TM9SF2: variants seen among roughly 807,000 people sequenced by gnomAD.
TM9SF2 encodes the protein 76 kDa membrane protein.
Under a neutral mutation model 84.9 loss-of-function variants are expected in TM9SF2, and 13 were observed. That is an observed-to-expected ratio of 0.15 (90% CI 0.10 to 0.24). The LOEUF is 0.24. TM9SF2 is among the 10% of genes least tolerant of loss of function. The probability of loss-of-function intolerance (pLI) is 1.00; values close to 1 mark genes in which losing one functional copy is unlikely to be tolerated. For synonymous variants in TM9SF2, 273 were observed against 285.8 expected, an observed-to-expected ratio of 0.96 and a Z score of 0.45; for missense variants, 562 against 818.5, an observed-to-expected ratio of 0.69 and a Z score of 3.82.
At chr13:99,540,636 C>T (rs2046254991) in intron 7 of TM9SF2, 78 bp from the exon 8 acceptor site, 3 of 1,209,362 alleles carry the variant, frequency 2.5e-6, no homozygotes, top group South Asian at 1.4e-5. Context: ...GAAGGACAAG[C>T]TTTGAATGGG....
intron 1 of TM9SF2, among the ~76,000 whole-genome samples, chr13:99,503,695 G>C (rs1231625803): frequency 7.2e-6 from 1 of 138,964 alleles, no homozygotes; most frequent in African/African-American, 2.8e-5. Context: ...GGGCAACAGA[G>C]CGAGACTTTG....
In TM9SF2 at chr13:99,501,654, G is replaced by C; in HGVS notation, c.48G>C (p.Leu16=). The change falls in exon 1 of 17, where the codon CTG becomes CTC. Residue 16 remains leucine, a synonymous_variant. Coordinates refer to ENST00000376387, the MANE Select transcript of TM9SF2 (RefSeq NM_004800.3). The part of the protein sequence containing the change: ...PVLSPPRWPR[L]LLLSLLLLGA... ...TGTCTCCACCTCGGTGGCCGCGGCT[G>C]TTGCTGCTGTCGCTGCTCCTGCTGG... is the stretch of plus-strand genomic sequence containing the variant. The C allele has an allele frequency of 6.2e-7, 1 of 1,613,294 alleles. No homozygotes were observed. The highest frequency in any genetic ancestry group is 1.1e-5 in the South Asian group (1 of 91,044).
At chr13:99,537,613 T>C in intron 5 of TM9SF2, 126 bp from the exon 6 acceptor site, 2 of 739,500 alleles carry the variant, frequency 2.7e-6, no homozygotes, top group Non-Finnish European at 2.1e-6. Context: ...AACATGTTAA[T>C]GTGAAAGGCT....
Position 99,538,282 on chromosome 13 carries a change from A to G in TM9SF2, c.716+419A>G, listed in dbSNP as rs201069308. Among the ~76,000 whole-genome samples, 32 of 152,208 alleles carry G rather than the reference A, an allele frequency of 2.1e-4. No individual in the cohort carries two copies. The East Asian group carries it at 2.7e-3, about 13-fold the overall frequency. The stretch of plus-strand genomic sequence containing the variant: ...AAGCCCCTATGCAGTGTTAGATGCC[A>G]CTATGAAATACGAGCCATTGAAAGA... On this transcript the variant is annotated intron_variant, in intron 6 of 16. Transcript: ENST00000376387.
intron 15 of TM9SF2, among the ~76,000 whole-genome samples, chr13:99,558,419 G>A (rs1404945465): frequency 2.0e-5 from 3 of 152,240 alleles, no homozygotes; most frequent in Non-Finnish European, 2.9e-5. Flanking sequence ...ATTTTGAAGA[G>A]TATTGCTGTC....
At chr13:99,543,645 T>C (rs1400950374) in intron 9 of TM9SF2, among the ~76,000 whole-genome samples, 1 of 152,226 alleles carries the variant, frequency 6.6e-6, no homozygotes, top group Non-Finnish European at 1.5e-5. Flanking sequence ...TAGACCTTAA[T>C]GTCATAAATT....
chr13:99,535,847 T>TA (rs2046231817), intron 4 of TM9SF2, among the ~76,000 whole-genome samples: 1 of 152,216 alleles, frequency 6.6e-6, no homozygotes, highest in Non-Finnish European at 1.5e-5. Context: ...GTAATGTAGT[T>TA]ATATGGTGCT....
intron 16 of TM9SF2, among the ~76,000 whole-genome samples, chr13:99,561,601 A>G (rs1160323302): frequency 5.9e-5 from 9 of 152,200 alleles, no homozygotes; most frequent in Non-Finnish European, 1.3e-4. Flanking sequence ...TAGGGCCTCA[A>G]TACATGTACA....
chr13:99,515,626 A>C (rs1304666026), intron 1 of TM9SF2, among the ~76,000 whole-genome samples: 1 of 151,664 alleles, frequency 6.6e-6, no homozygotes, highest in Non-Finnish European at 1.5e-5. Flanking sequence ...TACTAAATTT[A>C]TTTGGTTTTA....
At chr13:99,505,468 A>G (rs1356110473) in intron 1 of TM9SF2, among the ~76,000 whole-genome samples, 2 of 152,114 alleles carry the variant, frequency 1.3e-5, no homozygotes, top group Non-Finnish European at 2.9e-5. Flanking sequence ...ACACTTTTTA[A>G]ATGTTTTACT....
chr13:99,533,802 C>A (rs902142821), intron 4 of TM9SF2, among the ~76,000 whole-genome samples: 1 of 152,120 alleles, frequency 6.6e-6, no homozygotes, highest in African/African-American at 2.4e-5. Context: ...TCCTGAGTAG[C>A]TGGGACTGCA....
At chr13:99,560,630 A>G (rs938272057) in intron 16 of TM9SF2, among the ~76,000 whole-genome samples, 1 of 152,168 alleles carries the variant, frequency 6.6e-6, no homozygotes, top group East Asian at 1.9e-4. Context: ...CAGACATATG[A>G]TACAGAAAAT....
chr13:99,508,404 AACACACACACACAC>A lies in TM9SF2; in HGVS notation c.171+6654_171+6667del, dbSNP rs61561266. Among the ~76,000 whole-genome samples the A allele has an allele frequency of 9.7e-5, 13 of 134,510 alleles. No individual in the cohort carries two copies. The South Asian group carries it at 1.5e-3, about 15-fold the overall frequency. 88.2% of individuals were successfully genotyped at this position (134,510 alleles called of 152,430 possible). A position where few individuals can be genotyped will look rare whatever the true frequency, so the allele number is the denominator to read the frequency against. ...AGAGTGGGAAAAAAAAGGCAAACAA[AACACACACACACAC>A]ACACACACACACACACACACACACA... On this transcript the variant is annotated intron_variant, in intron 1 of 16. Coordinates refer to ENST00000376387, the MANE Select transcript of TM9SF2 (RefSeq NM_004800.3).
rs1436285901 is a variant in TM9SF2, at chr13:99,539,564, CTGT to C, written c.828+12_828+14del. The C allele has an allele frequency of 2.7e-6, 4 of 1,498,210 alleles. No homozygotes were observed. Among genetic ancestry groups the C allele is most frequent in the Non-Finnish European group, 3.7e-6 (4 of 1,074,700 alleles). 92.8% of individuals were successfully genotyped at this position (1,498,210 alleles called of 1,614,324 possible). On this transcript the variant is annotated splice_region_variant and intron_variant, in intron 7 of 16. Transcript: ENST00000376387. Reference sequence around the variant, plus strand: ...TTACTCTGTTAGCTTCGAGGTGAGTCTGTTGTTATCTTTAGTATAACTCTGAAA... The same window carrying C: ...TTACTCTGTTAGCTTCGAGGTGAGTCTGTTATCTTTAGTATAACTCTGAAA...
Position 99,554,359 on chromosome 13 carries a change from C to T in TM9SF2, c.1544C>T (p.Ser515Leu), listed in dbSNP as rs760899038. ...ATTCCACGTCAGATTCCTGAACAGT[C>T]GTTCTACACGAAGCCCTTGCCTGGT... Reference protein sequence around the residue: ...NQIPRQIPEQSFYTKPLPGII... With the variant: ...NQIPRQIPEQLFYTKPLPGII... The change falls in exon 14 of 17, where the codon TCG becomes TTG. Residue 515 changes from serine to leucine, a missense_variant. By Grantham distance (145) the Ser-to-Leu change is moderately radical (BLOSUM62 -2). Transcript: ENST00000376387. 4 of 1,613,962 alleles carry T rather than the reference C, an allele frequency of 2.5e-6. No homozygotes were observed. The highest frequency in any genetic ancestry group is 3.4e-6 in the Non-Finnish European group (4 of 1,179,974).
At chr13:99,505,843 A>G (rs2046086636) in intron 1 of TM9SF2, among the ~76,000 whole-genome samples, 1 of 152,222 alleles carries the variant, frequency 6.6e-6, no homozygotes, top group Non-Finnish European at 1.5e-5. Context: ...TTCAACTTTC[A>G]AGTAATTACT....
In TM9SF2 at chr13:99,523,202, G is replaced by A. The variant is rs371514153; in HGVS notation, c.333+3073G>A. Among the ~76,000 whole-genome samples, 46 of 152,236 alleles carry A rather than the reference G, an allele frequency of 3.0e-4. No homozygotes were observed. The East Asian group carries it at 5.6e-3, about 19-fold the overall frequency. ...TTATTTCTTTTTTGAGTCTCACGCT[G>A]TGGCCTGGGCTGGGCCACGGCTCAC... On this transcript the variant is annotated intron_variant, in intron 3 of 16. Coordinates refer to ENST00000376387, the MANE Select transcript of TM9SF2 (RefSeq NM_004800.3).
At chr13:99,520,576 T>C (rs571204451) in intron 3 of TM9SF2, among the ~76,000 whole-genome samples, 1 of 149,954 alleles carries the variant, frequency 6.7e-6, no homozygotes, top group South Asian at 2.1e-4. Flanking sequence ...CTAATCTTTC[T>C]TTTTTTTTTC....
At chr13:99,534,547 T>C (rs1291109557) in intron 4 of TM9SF2, among the ~76,000 whole-genome samples, 1 of 152,250 alleles carries the variant, frequency 6.6e-6, no homozygotes, top group Admixed American at 6.5e-5. Flanking sequence ...GGCTGTAATT[T>C]TCTGAGTGCA....
Sources: allele counts gnomAD v4.1 joint callset (sites outside exome capture counted in the v4.1 genomes callset), GRCh38; gene constraint gnomAD v4.1.1; transcripts MANE v1.5; gene names NCBI Gene and HGNC (gene_info 2026-07-23, HGNC 2026-07-21).